Variants in ASIC2 observed in about 807,000 individuals in gnomAD.
ASIC2 encodes the protein acid-sensing ion channel 2.
In ASIC2, 25 loss-of-function variants were observed where a neutral mutation model predicts 57.3. The ratio of observed to expected loss-of-function variants is 0.44; its 90% CI spans 0.32 to 0.61. The LOEUF (loss-of-function observed/expected upper bound fraction) is 0.61, where lower values mean the gene tolerates loss of function less well. Among genes scored for constraint, ASIC2 ranks in the 20% least tolerant of loss-of-function variants. The pLI, the probability that ASIC2 is intolerant of heterozygous loss-of-function variation, is 0.06. For missense variants in ASIC2, 641 were observed against 738.1 expected (o/e 0.87, Z 1.52); for synonymous variants, 319 against 307.5 (o/e 1.04, Z -0.39).
At chr17:33,582,672 A>G (rs1375087073) in intron 1 of ASIC2, among the ~76,000 whole-genome samples, 2 of 152,210 alleles carry the variant, frequency 1.3e-5, no homozygotes, top group African/African-American at 2.4e-5. Flanking sequence ...CATATTTGCA[A>G]TTATTTCACA....
intron 1 of ASIC2, among the ~76,000 whole-genome samples, chr17:34,138,801 C>T (rs1046463260): frequency 1.1e-4 from 16 of 152,118 alleles, no homozygotes; most frequent in South Asian, 4.1e-4. Context: ...AGCCATTGTT[C>T]GACTCTAGTG....
At chr17:33,556,977 C>T (rs1915926984) in intron 1 of ASIC2, among the ~76,000 whole-genome samples, 1 of 152,192 alleles carries the variant, frequency 6.6e-6, no homozygotes, top group African/African-American at 2.4e-5. Context: ...TTGCAATTAG[C>T]TCTTCCTGTT....
intron 1 of ASIC2, among the ~76,000 whole-genome samples, chr17:33,769,463 C>G (rs184765980): frequency 2.6e-5 from 4 of 152,036 alleles, no homozygotes; most frequent in African/African-American, 7.2e-5. Context: ...GCAAAGGGGC[C>G]GAGAAAATTC....
At chr17:33,913,386 G>A (rs1000070880) in intron 1 of ASIC2, among the ~76,000 whole-genome samples, 2 of 151,954 alleles carry the variant, frequency 1.3e-5, no homozygotes, top group East Asian at 1.9e-4. Flanking sequence ...CCTAAGTTAC[G>A]ACTAATAAAA....
At chr17:33,447,037 T>G (rs1912049453) in intron 1 of ASIC2, among the ~76,000 whole-genome samples, 1 of 152,214 alleles carries the variant, frequency 6.6e-6, no homozygotes, top group East Asian at 1.9e-4. Context: ...TGCAGACGCT[T>G]TGAGCCTGAG....
At chr17:33,803,694 A>G (rs1307577191) in intron 1 of ASIC2, among the ~76,000 whole-genome samples, 1 of 150,880 alleles carries the variant, frequency 6.6e-6, no homozygotes, top group African/African-American at 2.4e-5. Flanking sequence ...CACAAAACCC[A>G]TATTTTCCCG....
intron 1 of ASIC2, among the ~76,000 whole-genome samples, chr17:33,700,095 T>A (rs1385464638): frequency 6.6e-6 from 1 of 152,118 alleles, no homozygotes; most frequent in Non-Finnish European, 1.5e-5. Context: ...AGCAGCCACT[T>A]GGATATAGAA....
intron 1 of ASIC2, among the ~76,000 whole-genome samples, chr17:33,748,074 G>A (rs140505848): frequency 2.6e-3 from 397 of 152,346 alleles, no homozygotes; most frequent in African/African-American, 8.9e-3. Flanking sequence ...GCTAGAGAGC[G>A]CACGCCTTGA....
Position 34,156,505 on chromosome 17 carries a change from C to T in ASIC2, c.28G>A (p.Gly10Ser). ...TGGATGCTAGAAGGTTGCAGGCTGC[C>T]CTCACTGGGGCTTTCCTTGAGGTCC... The change falls in exon 1 of 10, where the codon GGC becomes AGC. Residue 10 changes from glycine (G) to serine (S), a missense_variant. Coordinates refer to the ASIC2 transcript ENST00000359872. This position sits in a 1 kb window ranked among gnomAD's most constrained non-coding sequence, Gnocchi z 4.4. 1 of 1,605,186 alleles carries T rather than the reference C, an allele frequency of 6.2e-7. No individual in the cohort carries two copies. The highest frequency in any genetic ancestry group is 8.5e-7 in the Non-Finnish European group (1 of 1,173,844).
chr17:33,946,337 AG>A (rs1226423368), intron 1 of ASIC2, among the ~76,000 whole-genome samples: 1 of 152,154 alleles, frequency 6.6e-6, no homozygotes, highest in African/African-American at 2.4e-5. Context: ...CCGAGGCTGG[AG>A]GGAAATCACA....
At position 33,351,098 on chromosome 17, in the gene ASIC2, C is replaced by T. The variant is rs149158746; in HGVS notation, c.556-239031G>A. 7.3e-3 allele frequency among the ~76,000 whole-genome samples: 1,109 copies of T among 152,310 alleles called. 10 individuals carry two copies. The highest frequency in any genetic ancestry group is 0.015 in the Admixed American group (223 of 15,294). ...GTCAGAAAGCCCTTGAGTTGCTTAT[C>T]AAATATGTGACTTGACAAGGTACTT... On this transcript the variant is annotated intron_variant, in intron 1 of 9. Coordinates refer to the ASIC2 transcript ENST00000359872.
chr17:33,310,585 G>C (rs1642459685), intron 1 of ASIC2, among the ~76,000 whole-genome samples: 1 of 152,184 alleles, frequency 6.6e-6, no homozygotes, highest in Non-Finnish European at 1.5e-5. Flanking sequence ...TCAGAACCAA[G>C]TAAAAAATGC....
At chr17:33,291,090 GGAA>G (rs1905415427) in intron 1 of ASIC2, 3 of 373,510 alleles carry the variant, frequency 8.0e-6, no homozygotes, top group African/African-American at 2.1e-5. Context: ...GTTGAGGTCG[GGAA>G]GAAGGAGGCT....
chr17:33,235,930 G>A (rs1000184113), intron 1 of ASIC2, among the ~76,000 whole-genome samples: 3 of 151,828 alleles, frequency 2.0e-5, no homozygotes, highest in Admixed American at 6.5e-5. Context: ...TCCTCCTCCC[G>A]GGTTCAAGCG....
chr17:34,073,158 A>C (rs753650016), intron 1 of ASIC2, among the ~76,000 whole-genome samples: 10 of 152,180 alleles, frequency 6.6e-5, no homozygotes, highest in Non-Finnish European at 1.2e-4. Flanking sequence ...TCATATTGCA[A>C]ATATTTGAGA....
chr17:33,422,194 T>C (rs1911066886), intron 1 of ASIC2, among the ~76,000 whole-genome samples: 1 of 152,194 alleles, frequency 6.6e-6, no homozygotes, highest in African/African-American at 2.4e-5. Flanking sequence ...TCATTGCAAG[T>C]TCTGTTTTTA....
chr17:33,538,711 A>G (rs748953195), intron 1 of ASIC2, among the ~76,000 whole-genome samples: 8 of 152,154 alleles, frequency 5.3e-5, no homozygotes, highest in Admixed American at 1.3e-4. Flanking sequence ...CAGTTGTTCA[A>G]CCAATGCCTG....
In ASIC2 at chr17:33,268,394, T is replaced by C. The variant is rs1360326142; in HGVS notation, c.708+23014A>G. Among the ~76,000 whole-genome samples the C allele has an allele frequency of 2.0e-5, 3 of 148,272 alleles. No homozygotes were observed. The Admixed American group carries it at 2.0e-4, about 10-fold the overall frequency. On this transcript the variant is annotated intron_variant, in intron 1 of 9. Transcript: ENST00000225823. ...CCATCCATCCATCCATCCATCCATCTATACATTTATCCATTCATCTATTCA... is the reference window on the plus strand; with the variant it reads ...CCATCCATCCATCCATCCATCCATCCATACATTTATCCATTCATCTATTCA...
intron 1 of ASIC2, among the ~76,000 whole-genome samples, chr17:33,805,756 G>A (rs968365392): frequency 5.3e-5 from 8 of 152,140 alleles, no homozygotes; most frequent in African/African-American, 2.4e-5. Context: ...CATAAGGTCT[G>A]TAGTGATGAA....
Sources: gnomAD v4.1 joint callset for allele counts (sites outside exome capture counted in the v4.1 genomes callset) on GRCh38, gnomAD v4.1.1 for gene constraint, Gnocchi (gnomAD v3.1) non-coding constraint, MANE v1.5 for transcripts, NCBI Gene and HGNC (gene_info 2026-07-23, HGNC 2026-07-21) for gene names.